CDYL2: variants seen among roughly 807,000 people sequenced by gnomAD.
CDYL2 encodes chromodomain Y like 2.
Under a neutral mutation model 49.4 loss-of-function variants are expected in CDYL2, and 23 were observed. That is an observed-to-expected ratio of 0.47 (90% confidence interval 0.34 to 0.66). The LOEUF (loss-of-function observed/expected upper bound fraction) is 0.66, where lower values mean the gene tolerates loss of function less well. Ranked by LOEUF, CDYL2 falls within the 30% of genes least tolerant of loss-of-function variation. The pLI is 0.01. For synonymous variants in CDYL2, 360 were observed against 268.8 expected (o/e 1.34, Z -3.32); for missense variants, 678 against 656.4 (o/e 1.03, Z -0.36).
intron 1 of CDYL2, among the ~76,000 whole-genome samples, chr16:80,748,348 A>G (rs1472443018): frequency 6.7e-6 from 1 of 148,880 alleles, no homozygotes; most frequent in East Asian, 2.0e-4. Flanking sequence ...AACACGGTGA[A>G]ACCCCATCTC....
At chr16:80,752,475 AG>A (rs1906170281) in intron 1 of CDYL2, among the ~76,000 whole-genome samples, 1 of 152,232 alleles carries the variant, frequency 6.6e-6, no homozygotes, top group African/African-American at 2.4e-5. Flanking sequence ...ACTTCATAAA[AG>A]CAAAGACAAA....
intron 1 of CDYL2, among the ~76,000 whole-genome samples, chr16:80,748,617 G>A (rs146796839): frequency 7.6e-6 from 1 of 130,776 alleles, no homozygotes; most frequent in Non-Finnish European, 1.6e-5. Context: ...GGGTTAATAA[G>A]AAATATTTCT....
At chr16:80,662,152 C>T (rs1909071711) in intron 2 of CDYL2, among the ~76,000 whole-genome samples, 1 of 152,208 alleles carries the variant, frequency 6.6e-6, no homozygotes, top group Non-Finnish European at 1.5e-5. Flanking sequence ...TCCAGTTGAT[C>T]TCACACCTAG....
intron 1 of CDYL2, among the ~76,000 whole-genome samples, chr16:80,748,970 G>A (rs146682003): frequency 1.5e-3 from 228 of 152,150 alleles, no homozygotes; most frequent in African/African-American, 5.1e-3. Context: ...TATTACCATC[G>A]AGAACATTGA....
At chr16:80,650,629 A>G (rs913446335) in intron 2 of CDYL2, among the ~76,000 whole-genome samples, 31 of 152,338 alleles carry the variant, frequency 2.0e-4, no homozygotes, top group East Asian at 1.2e-3. Flanking sequence ...TATACACCCA[A>G]AAGAAAGGAA....
intron 1 of CDYL2, among the ~76,000 whole-genome samples, chr16:80,800,552 C>A (rs1907894139): frequency 6.6e-6 from 1 of 152,022 alleles, no homozygotes; most frequent in South Asian, 2.1e-4. Flanking sequence ...GTGGATTCAA[C>A]CAACCACAAA....
chr16:80,683,779 C>A (rs1418132543), intron 2 of CDYL2, among the ~76,000 whole-genome samples: 1 of 152,156 alleles, frequency 6.6e-6, no homozygotes, highest in African/African-American at 2.4e-5. Context: ...CGCTGCCTTG[C>A]CCCTTCTATC....
rs1210123284 is a variant in CDYL2 at position 80,804,488 on chromosome 16, C to G, written c.-315G>C. On this transcript the variant is annotated 5_prime_UTR_variant, in exon 1 of 7. Transcript: ENST00000570137. ...CGGACGCGGCCCGAGCGCCGCGGCC[C>G]CCGCGACCCGGCGACCCGGCGGCGG... is the stretch of plus-strand genomic sequence containing the variant. Among the ~76,000 whole-genome samples, 1 of 144,744 alleles carries G rather than the reference C, an allele frequency of 6.9e-6. No individual in the cohort carries two copies. Among genetic ancestry groups the G allele is most frequent in the Non-Finnish European group, 1.5e-5 (1 of 65,274 alleles). The allele number at this position is 144,744 out of a possible 152,430, so 95.0% of individuals were successfully genotyped here.
rs1322940400 is a variant in CDYL2 at position 80,601,845 on chromosome 16, A to C, written c.*2543T>G. 1 of 152,166 alleles carries C rather than the reference A, an allele frequency of 6.6e-6. No homozygotes were observed. Among genetic ancestry groups the C allele is most frequent in the Non-Finnish European group, 1.5e-5 (1 of 68,036 alleles). 9.4% of individuals were successfully genotyped at this position (152,166 alleles called of 1,614,324 possible). ...TAACAGCAAGATTTCCACCTTAGAA[A>C]TGGTTTCACATTCCTACCTTAATCT... On this transcript the variant is annotated 3_prime_UTR_variant, in exon 7 of 7. Coordinates refer to ENST00000570137, the MANE Select transcript of CDYL2 (RefSeq NM_152342.4).
intron 1 of CDYL2, among the ~76,000 whole-genome samples, chr16:80,702,621 A>G (rs2142502258): frequency 6.6e-6 from 1 of 152,210 alleles, no homozygotes; most frequent in African/African-American, 2.4e-5. Context: ...GTGGTGGCTC[A>G]TGTCTGTACT....
chr16:80,607,694 C>A (rs1208805766), intron 6 of CDYL2, among the ~76,000 whole-genome samples: 1 of 152,222 alleles, frequency 6.6e-6, no homozygotes, highest in African/African-American at 2.4e-5. Context: ...GAAATAGAGG[C>A]ATGGTGTGTA....
chr16:80,616,553 G>A (rs1597125425), intron 4 of CDYL2, among the ~76,000 whole-genome samples: 1 of 152,238 alleles, frequency 6.6e-6, no homozygotes, highest in African/African-American at 2.4e-5. Context: ...GAGGCATGGA[G>A]GAGAACCCTC....
intron 3 of CDYL2, among the ~76,000 whole-genome samples, chr16:80,623,764 G>C (rs1026364052): frequency 2.0e-5 from 3 of 152,174 alleles, no homozygotes; most frequent in African/African-American, 7.2e-5. Context: ...AGCTAGACTA[G>C]GACTCAGGAA....
intron 1 of CDYL2, among the ~76,000 whole-genome samples, chr16:80,728,533 A>C (rs1728507242): frequency 6.6e-6 from 1 of 152,248 alleles, no homozygotes; most frequent in Admixed American, 6.5e-5. Flanking sequence ...GCAGGATATC[A>C]TCCAGGAGAA....
intron 4 of CDYL2, among the ~76,000 whole-genome samples, chr16:80,614,157 A>C (rs1022777549): frequency 1.3e-5 from 2 of 152,226 alleles, no homozygotes; most frequent in African/African-American, 4.8e-5. Flanking sequence ...GTCTCCCAGA[A>C]CAAGAACAAA....
At chr16:80,726,735 T>C (rs891543852) in intron 1 of CDYL2, among the ~76,000 whole-genome samples, 2 of 152,126 alleles carry the variant, frequency 1.3e-5, no homozygotes, top group African/African-American at 4.8e-5. Flanking sequence ...GCCTGGAGCA[T>C]CCTGCAGTGC....
intron 1 of CDYL2, among the ~76,000 whole-genome samples, chr16:80,713,636 T>C (rs1904696514): frequency 6.6e-6 from 1 of 152,168 alleles, no homozygotes; most frequent in Admixed American, 6.5e-5. Flanking sequence ...TCTCCTGTCT[T>C]CTAATAATGT....
intron 1 of CDYL2, among the ~76,000 whole-genome samples, chr16:80,715,313 C>T (rs1013782208): frequency 5.3e-5 from 8 of 152,108 alleles, no homozygotes; most frequent in African/African-American, 1.9e-4. Flanking sequence ...GAGTCATGAT[C>T]CCACCATAGT....
chr16:80,696,497 A>T (rs1910618346), intron 1 of CDYL2, among the ~76,000 whole-genome samples: 1 of 152,104 alleles, frequency 6.6e-6, no homozygotes, highest in South Asian at 2.1e-4. Flanking sequence ...GAAGACACAA[A>T]TAAAATCACA....
Sources: gnomAD v4.1 joint callset for allele counts (sites outside exome capture counted in the v4.1 genomes callset) on GRCh38, gnomAD v4.1.1 for gene constraint, MANE v1.5 for transcripts, NCBI Gene and HGNC (gene_info 2026-07-23, HGNC 2026-07-21) for gene names.